Variants in TTC6 observed in about 807,000 individuals in gnomAD.
The protein encoded by TTC6 is tetratricopeptide repeat protein 6.
In TTC6, 172 loss-of-function variants were observed where a neutral mutation model predicts 210.4. That is an observed-to-expected ratio of 0.82 (90% CI 0.72 to 0.93). TTC6 has a LOEUF of 0.93. TTC6 is among the 40% of genes least tolerant of loss of function. The pLI is 0.00. For missense variants in TTC6, 2,414 were observed against 2,318.1 expected (o/e 1.04, Z -0.85); for synonymous variants, 804 against 819.6 (o/e 0.98, Z 0.32).
intron 13 of TTC6, among the ~76,000 whole-genome samples, chr14:37,751,855 G>C (rs1199158777): frequency 1.7e-5 from 2 of 118,642 alleles, no homozygotes; most frequent in African/African-American, 6.4e-5. Context: ...GCAGAGTCTT[G>C]CGCTGTTGCC....
chr14:37,841,080 G>T (rs1179082550), intron 29 of TTC6, among the ~76,000 whole-genome samples: 1 of 152,114 alleles, frequency 6.6e-6, no homozygotes, highest in Non-Finnish European at 1.5e-5. Flanking sequence ...TGTTGGCTAG[G>T]CTGGTCTCGA....
chr14:37,659,231 T>C (rs2095731776), intron 1 of TTC6, among the ~76,000 whole-genome samples: 1 of 152,216 alleles, frequency 6.6e-6, no homozygotes, highest in Admixed American at 6.5e-5. Context: ...TTAATAGTGC[T>C]GTAATGGACA....
intron 24 of TTC6, among the ~76,000 whole-genome samples, chr14:37,810,881 A>G (rs1297460307): frequency 6.6e-6 from 1 of 152,238 alleles, no homozygotes; most frequent in Non-Finnish European, 1.5e-5. Context: ...ATTGTGTGAC[A>G]GGAACTGAGC....
intron 14 of TTC6, among the ~76,000 whole-genome samples, chr14:37,778,570 A>G (rs1408847152): frequency 1.3e-5 from 2 of 152,104 alleles, no homozygotes; most frequent in Non-Finnish European, 2.9e-5. Flanking sequence ...TGCACCTACA[A>G]AGTGATGAGG....
intron 14 of TTC6, among the ~76,000 whole-genome samples, chr14:37,756,435 A>G (rs527639454): frequency 3.9e-5 from 6 of 152,210 alleles, no homozygotes; most frequent in East Asian, 3.8e-4. Flanking sequence ...CAGTTTTCAA[A>G]GGGAATGCTT....
Position 37,622,129 on chromosome 14 carries a change from T to TC in TTC6, c.65_66insC (p.Glu23Ter). On this transcript the variant is annotated frameshift_variant, in exon 1 of 31. Transcript: ENST00000553443. LOFTEE classifies it high-confidence loss of function. ...GAGGAATCGTATATGTTTAAAGAGC[T>TC]TGAGAAAGTTCGGCAGGAAACTAAA... 1 of 1,535,552 alleles carries TC rather than the reference T, an allele frequency of 6.5e-7. No homozygotes were observed. Among genetic ancestry groups the TC allele is most frequent in the Non-Finnish European group, 8.7e-7 (1 of 1,146,678 alleles).
intron 21 of TTC6, among the ~76,000 whole-genome samples, chr14:37,805,769 C>T (rs1226169942): frequency 2.0e-5 from 3 of 152,044 alleles, no homozygotes; most frequent in Admixed American, 6.6e-5. Context: ...GGCGCGATCT[C>T]GGCTCACTGC....
At chr14:37,645,694 C>T (rs560213438) in intron 1 of TTC6, among the ~76,000 whole-genome samples, 1 of 152,122 alleles carries the variant, frequency 6.6e-6, no homozygotes, top group South Asian at 2.1e-4. Flanking sequence ...GTGCAAGGCT[C>T]CAAGGTAGAA....
intron 14 of TTC6, among the ~76,000 whole-genome samples, chr14:37,785,188 G>A (rs1054167731): frequency 4.6e-5 from 7 of 152,160 alleles, no homozygotes; most frequent in African/African-American, 1.7e-4. Context: ...GGTTGGGGAA[G>A]TTCTCCTGGA....
At chr14:37,783,031 A>G (rs1252170650) in intron 14 of TTC6, among the ~76,000 whole-genome samples, 2 of 152,164 alleles carry the variant, frequency 1.3e-5, no homozygotes, top group African/African-American at 4.8e-5. Flanking sequence ...TCGGTTTGCC[A>G]GTATTTTATT....
chr14:37,652,570 A>G lies in TTC6; in HGVS notation c.940-27581A>G, dbSNP rs112803426. ...CATGAACATAGTTTTAAAAAATCAT[A>G]TAGTATGACTAGGCTTATTGAAGCA... On this transcript the variant is annotated intron_variant, in intron 1 of 30. Transcript: ENST00000553443. Among the ~76,000 whole-genome samples the G allele has an allele frequency of 3.9e-5, 6 of 152,356 alleles. 1 individual carries two copies. The highest frequency in any genetic ancestry group is 9.6e-5 in the African/African-American group (4 of 41,586).
chr14:37,823,952 T>A (rs2096164321), exon 27 of TTC6: 5 of 1,613,448 alleles, frequency 3.1e-6, no homozygotes, highest in African/African-American at 1.3e-5. Flanking sequence ...TGGCTATAAT[T>A]TGCAGGTAAT....
chr14:37,723,052 CATTATT>C (rs1006152050), intron 6 of TTC6, among the ~76,000 whole-genome samples: 39 of 152,246 alleles, frequency 2.6e-4, no homozygotes, highest in African/African-American at 9.4e-4. Flanking sequence ...TACAGTACTA[CATTATT>C]ATTATTAGTT....
intron 14 of TTC6, among the ~76,000 whole-genome samples, chr14:37,769,013 G>C (rs1157803868): frequency 1.3e-5 from 2 of 152,190 alleles, no homozygotes; most frequent in South Asian, 2.1e-4. Context: ...TAGCAAGAAG[G>C]GCTGTTGAAT....
At chr14:37,756,100 C>G (rs551169224) in intron 14 of TTC6, among the ~76,000 whole-genome samples, 2 of 152,180 alleles carry the variant, frequency 1.3e-5, no homozygotes, top group African/African-American at 4.8e-5. Flanking sequence ...ATATTTTATT[C>G]TCTTTGTAGC....
intron 1 of TTC6, among the ~76,000 whole-genome samples, chr14:37,643,097 C>G (rs2095695110): frequency 6.6e-6 from 1 of 151,976 alleles, no homozygotes; most frequent in African/African-American, 2.4e-5. Context: ...CACTTGAGGT[C>G]AGGAGTTTGT....
chr14:37,787,603 C>T (rs2096070831), exon 15 of TTC6: 1 of 1,522,728 alleles, frequency 6.6e-7, no homozygotes, highest in East Asian at 2.5e-5. Context: ...GAAAGAGTAA[C>T]CCTTTTAGAG....
chr14:37,783,496 T>C (rs2096060318), intron 14 of TTC6, among the ~76,000 whole-genome samples: 1 of 152,234 alleles, frequency 6.6e-6, no homozygotes, highest in Non-Finnish European at 1.5e-5. Context: ...TTATTTTTTA[T>C]TGCATCTATT....
intron 14 of TTC6, among the ~76,000 whole-genome samples, chr14:37,770,044 C>T (rs1390947809): frequency 1.3e-5 from 2 of 152,026 alleles, no homozygotes; most frequent in South Asian, 2.1e-4. Flanking sequence ...TTATTTCTGC[C>T]TTCATTTCGT....
Sources: allele counts gnomAD v4.1 joint callset (sites outside exome capture counted in the v4.1 genomes callset), GRCh38; gene constraint gnomAD v4.1.1; transcripts MANE v1.5; gene names NCBI Gene and HGNC (gene_info 2026-07-23, HGNC 2026-07-21).